Variants in CD109 observed in about 807,000 individuals in gnomAD.
CD109 encodes the protein CD109 molecule.
Under a neutral mutation model 165.8 loss-of-function variants are expected in CD109, and 149 were observed. The observed-to-expected ratio is 0.90, with a 90% confidence interval of 0.79 to 1.03. The LOEUF (loss-of-function observed/expected upper bound fraction) is 1.03. Among genes scored for constraint, CD109 ranks in the 50% least tolerant of loss-of-function variants. CD109 has a pLI of 0.00. For synonymous variants in CD109, 585 were observed against 592.1 expected (o/e 0.99, Z 0.18); for missense variants, 1,712 against 1,677.8 (o/e 1.02, Z -0.36).
At position 73,811,212 on chromosome 6, in the gene CD109, T is replaced by C; in HGVS notation, c.3702+65T>C. On this transcript the variant is annotated intron_variant, in intron 28 of 32. Coordinates refer to ENST00000287097, the MANE Select transcript of CD109 (RefSeq NM_133493.5). Reference sequence around the variant, plus strand: ...AATTCTTTATGCTGGAATACTGCTTTATTTGTAATCTGTTGATTTCAACAA... The same window carrying C: ...AATTCTTTATGCTGGAATACTGCTTCATTTGTAATCTGTTGATTTCAACAA... The C allele has an allele frequency of 3.3e-6, 5 of 1,510,372 alleles. No individual in the cohort carries two copies. The South Asian group carries it at 6.3e-5, about 19-fold the overall frequency. 93.6% of individuals were successfully genotyped at this position (1,510,372 alleles called of 1,614,324 possible).
In CD109 at chr6:73,823,784, A is replaced by G. The variant is rs750458944; in HGVS notation, c.*151A>G. On this transcript the variant is annotated 3_prime_UTR_variant, in exon 33 of 33. Transcript: ENST00000287097. ...GGGATGGTGTACAACAGGTCCTAGC[A>G]TGTATAGCTGCATAGATTTCTTCAC... The G allele has an allele frequency of 2.1e-5, 12 of 567,802 alleles. No homozygotes were observed. The highest frequency in any genetic ancestry group is 3.0e-5 in the Non-Finnish European group (10 of 328,304). The allele number at this position is 567,802 out of a possible 1,614,324, so 35.2% of individuals were successfully genotyped here.
chr6:73,743,173 G>T (rs1772856682), intron 5 of CD109, among the ~76,000 whole-genome samples: 1 of 152,232 alleles, frequency 6.6e-6, no homozygotes, highest in Non-Finnish European at 1.5e-5. Flanking sequence ...CTGGGACAAT[G>T]TATATCCTTT....
At chr6:73,805,363 T>A in intron 24 of CD109, among the ~76,000 whole-genome samples, 1 of 152,214 alleles carries the variant, frequency 6.6e-6, no homozygotes, top group East Asian at 1.9e-4. Context: ...AACATCTCAA[T>A]GCCTTAAAGA....
At chr6:73,785,555 G>A (rs1381078385) in intron 20 of CD109, 78 bp downstream of exon 20, 2 of 729,410 alleles carry the variant, frequency 2.7e-6, no homozygotes, top group Non-Finnish European at 4.5e-6. Context: ...GGGTTGTGTA[G>A]TATCTGGGCA....
intron 19 of CD109, among the ~76,000 whole-genome samples, chr6:73,784,697 T>C (rs1774624871): frequency 1.3e-5 from 2 of 152,234 alleles, no homozygotes; most frequent in South Asian, 4.1e-4. Flanking sequence ...TGGCCTTTTC[T>C]GTAGGACTTG....
At chr6:73,770,906 G>GAC (rs1441461524) in intron 14 of CD109, among the ~76,000 whole-genome samples, 1 of 152,174 alleles carries the variant, frequency 6.6e-6, no homozygotes, top group Non-Finnish European at 1.5e-5. Context: ...AGGCCATGGA[G>GAC]ACAGAGCATG....
rs201376407 is a variant in CD109 at position 73,763,712 on chromosome 6, C to T, written c.1107+27C>T. On this transcript the variant is annotated intron_variant, in intron 10 of 32. Transcript: ENST00000287097. ...TAAGTTGGTATATTTATTTCCAGTC[C>T]ATAGCAGTAAGTTCAGCTTAATGAA... 2.6e-6 allele frequency: 3 copies of T among 1,161,232 alleles called. No homozygotes were observed. The East Asian group carries it at 7.3e-5, about 28-fold the overall frequency. The allele number at this position is 1,161,232 out of a possible 1,614,324, so 71.9% of individuals were successfully genotyped here.
intron 2 of CD109, among the ~76,000 whole-genome samples, chr6:73,722,038 A>G (rs1379862030): frequency 6.6e-6 from 1 of 152,208 alleles, no homozygotes; most frequent in Non-Finnish European, 1.5e-5. Context: ...GCCTGGCTAT[A>G]AAGTTTTTCT....
At chr6:73,780,280 A>G in intron 15 of CD109, 144 bp from the exon 16 acceptor site, 1 of 691,316 alleles carries the variant, frequency 1.4e-6, no homozygotes, top group Non-Finnish European at 2.6e-6. Context: ...TGATGAACAA[A>G]GCAATTACAT....
chr6:73,810,478 T>G lies in CD109; in HGVS notation c.3546+304T>G, dbSNP rs554700350. Among the ~76,000 whole-genome samples the G allele has an allele frequency of 2.0e-5, 3 of 152,036 alleles. No homozygotes were observed. In the South Asian group the frequency reaches 6.2e-4, roughly 32 times the overall value. ...TCAGTTCCCCATCTGCCACTTTTCA[T>G]CTGTGGTAACTGATATAAGAGTAGA... On this transcript the variant is annotated intron_variant, in intron 27 of 32. Transcript: ENST00000287097.
chr6:73,688,757 CTTTGTTTTTT>C, the CD109 span, among the ~76,000 whole-genome samples: 2 of 65,960 alleles, frequency 3.0e-5, no homozygotes, highest in African/African-American at 1.3e-4. Flanking sequence ...GAGAGTTTTT[CTTTGTTTTTT>C]TTTTTTTTTT....
At chr6:73,729,033 G>C (rs1772245247) in intron 3 of CD109, among the ~76,000 whole-genome samples, 1 of 152,316 alleles carries the variant, frequency 6.6e-6, no homozygotes, top group Admixed American at 6.5e-5. Flanking sequence ...AACACATTCT[G>C]TGAGGCAGCT....
At position 73,818,561 on chromosome 6, in the gene CD109, G is replaced by A; in HGVS notation, c.4059+26G>A. 1.9e-6 allele frequency: 3 copies of A among 1,602,266 alleles called. No individual in the cohort carries two copies. The South Asian group carries it at 3.4e-5, about 18-fold the overall frequency. On this transcript the variant is annotated intron_variant, in intron 31 of 32. Coordinates refer to ENST00000287097, the MANE Select transcript of CD109 (RefSeq NM_133493.5). ...GTAAGTAGTAAAACATAAGGTAACTGTTGACAAAGCCACTGTGTTTTGTAT... is the reference window on the plus strand; with the variant it reads ...GTAAGTAGTAAAACATAAGGTAACTATTGACAAAGCCACTGTGTTTTGTAT...
the CD109 span, among the ~76,000 whole-genome samples, chr6:73,683,899 TC>T: frequency 2.2e-4 from 34 of 152,118 alleles, no homozygotes; most frequent in Non-Finnish European, 4.4e-4. Context: ...AAAGACCTGC[TC>T]CCATGATTCA....
intron 2 of CD109, chr6:73,723,013 A>G (rs1772016928): frequency 5.8e-6 from 2 of 346,676 alleles, no homozygotes; most frequent in South Asian, 2.3e-4. Flanking sequence ...AGCAGAACCT[A>G]ATGTTTTTTG....
Position 73,717,665 on chromosome 6 carries a change from G to A in CD109, c.248-5586G>A, listed in dbSNP as rs375534615. 5.1e-5 allele frequency among the ~76,000 whole-genome samples: 7 copies of A among 138,534 alleles called. No individual in the cohort carries two copies. The East Asian group carries it at 8.3e-4, about 16-fold the overall frequency. The allele number at this position is 138,534 out of a possible 152,430, so 90.9% of individuals were successfully genotyped here. A position where few individuals can be genotyped will look rare whatever the true frequency, so the allele number is the denominator to read the frequency against. The stretch of plus-strand genomic sequence containing the variant: ...GATGGAGTCTCGCTCTGTCACCCAG[G>A]CTGGAGTGCAGTGGCGCAATCTCGG... On this transcript the variant is annotated intron_variant, in intron 2 of 32. Transcript: ENST00000287097.
At chr6:73,729,511 TA>T (rs1772270993) in intron 3 of CD109, among the ~76,000 whole-genome samples, 2 of 148,412 alleles carry the variant, frequency 1.3e-5, no homozygotes, top group Non-Finnish European at 3.0e-5. Context: ...TTATTATTAT[TA>T]TTATTATTAT....
chr6:73,783,143 C>G (rs1432182905), intron 18 of CD109, among the ~76,000 whole-genome samples: 1 of 152,182 alleles, frequency 6.6e-6, no homozygotes, highest in African/African-American at 2.4e-5. Flanking sequence ...CTGCTCCTCA[C>G]AAAGCATTCC....
At chr6:73,704,771 G>T (rs1237486840) in intron 2 of CD109, among the ~76,000 whole-genome samples, 1 of 152,144 alleles carries the variant, frequency 6.6e-6, no homozygotes, top group Admixed American at 6.5e-5. Context: ...TGGGGAGTGG[G>T]GAATAAGAGA....
Sources: gnomAD v4.1 joint callset for allele counts (sites outside exome capture counted in the v4.1 genomes callset) on GRCh38, gnomAD v4.1.1 for gene constraint, MANE v1.5 for transcripts, NCBI Gene and HGNC (gene_info 2026-07-23, HGNC 2026-07-21) for gene names.